RPS6KA5: variants seen among roughly 807,000 people sequenced by gnomAD.
The protein encoded by RPS6KA5 is ribosomal protein S6 kinase A5.
Under a neutral mutation model 85.5 loss-of-function variants are expected in RPS6KA5, and 27 were observed. The observed-to-expected ratio is 0.32, with a 90% CI of 0.23 to 0.44. RPS6KA5 has a LOEUF of 0.44. Ranked by LOEUF, RPS6KA5 falls within the 20% of genes least tolerant of loss-of-function variation. The pLI, the probability that RPS6KA5 is intolerant of heterozygous loss-of-function variation, is 1.00. For missense variants in RPS6KA5, 811 were observed against 980.9 expected, an observed-to-expected ratio of 0.83 and a Z score of 2.31; for synonymous variants, 334 against 348.2, an observed-to-expected ratio of 0.96 and a Z score of 0.46.
chr14:90,994,157 G>A (rs143336447), intron 2 of RPS6KA5, among the ~76,000 whole-genome samples: 1 of 152,184 alleles, frequency 6.6e-6, no homozygotes, highest in Non-Finnish European at 1.5e-5. Flanking sequence ...TTACAGCTGT[G>A]AGCCACCACA....
At chr14:90,907,482 A>C (rs1251903324) in intron 7 of RPS6KA5, among the ~76,000 whole-genome samples, 2 of 152,238 alleles carry the variant, frequency 1.3e-5, no homozygotes, top group African/African-American at 4.8e-5. Flanking sequence ...GCGCATAGCA[A>C]ATGCTCAATC....
At chr14:90,903,213 G>T (rs1317883901) in intron 8 of RPS6KA5, among the ~76,000 whole-genome samples, 2 of 152,092 alleles carry the variant, frequency 1.3e-5, no homozygotes, top group African/African-American at 4.8e-5. Flanking sequence ...CCTCTGGGGG[G>T]CACCAAGACA....
At chr14:90,900,066 A>G (rs1344037734) in intron 11 of RPS6KA5, 42 bp downstream of exon 11, 4 of 1,442,678 alleles carry the variant, frequency 2.8e-6, no homozygotes, top group Non-Finnish European at 3.7e-6. Flanking sequence ...TACAGAATTC[A>G]TGAATACCTA....
chr14:91,038,148 T>C (rs2042472512), intron 1 of RPS6KA5, among the ~76,000 whole-genome samples: 1 of 152,104 alleles, frequency 6.6e-6, no homozygotes, highest in South Asian at 2.1e-4. Context: ...TCCAGAGGAC[T>C]CAGGAAAATT....
chr14:90,975,742 C>T (rs887413176), intron 3 of RPS6KA5, among the ~76,000 whole-genome samples: 6 of 152,212 alleles, frequency 3.9e-5, no homozygotes, highest in African/African-American at 1.4e-4. Flanking sequence ...TGCATTAGGG[C>T]ACTGCAAACA....
Position 90,855,240 on chromosome 14 carries a change from T to C in RPS6KA5, c.*16834A>G, listed in dbSNP as rs1202735515. The C allele has an allele frequency of 6.6e-6, 1 of 152,176 alleles. No homozygotes were observed. The highest frequency in any genetic ancestry group is 2.4e-5 in the African/African-American group (1 of 41,460). 9.4% of individuals were successfully genotyped at this position (152,176 alleles called of 1,614,324 possible). The stretch of plus-strand genomic sequence containing the variant: ...TGGCAAAATCATGAATGGCATTAAT[T>C]TTCTGCTATTTTAAAGGTATTATGT... On this transcript the variant is annotated 3_prime_UTR_variant, in exon 17 of 17. Transcript: ENST00000614987.
In RPS6KA5 at chr14:90,848,297, A is replaced by T. The variant is rs1312116612; in HGVS notation, c.*23777T>A. The T allele has an allele frequency of 3.3e-5, 5 of 152,244 alleles. No individual in the cohort carries two copies. The highest frequency in any genetic ancestry group is 7.3e-5 in the Non-Finnish European group (5 of 68,044). 9.4% of individuals were successfully genotyped at this position (152,244 alleles called of 1,614,324 possible). On this transcript the variant is annotated 3_prime_UTR_variant, in exon 17 of 17. Coordinates refer to ENST00000614987, the MANE Select transcript of RPS6KA5 (RefSeq NM_004755.4). ...TAAAGCACTCAAAGAACATCGAAAT[A>T]ACTTCATATCTATAGCAACGAAGGG...
chr14:90,923,326 A>T, intron 5 of RPS6KA5, 130 bp from the exon 6 acceptor site: 1 of 693,886 alleles, frequency 1.4e-6, no homozygotes, highest in Non-Finnish European at 2.5e-6. Context: ...TACTTGACAG[A>T]CCCACTCTTC....
In RPS6KA5 at chr14:90,906,148, C is replaced by A. The variant is rs2035488712; in HGVS notation, c.957+1G>T. ...ACCATTTATCTATTCAATAATTTCA[C>A]CTGAAAGAAGAGATGTTCTTTGATT... On this transcript the variant is annotated splice_donor_variant, in intron 8 of 16. Coordinates refer to ENST00000614987, the MANE Select transcript of RPS6KA5 (RefSeq NM_004755.4). LOFTEE classifies it high-confidence loss of function. The A allele has an allele frequency of 6.3e-7, 1 of 1,589,504 alleles. No homozygotes were observed. The highest frequency in any genetic ancestry group is 8.6e-7 in the Non-Finnish European group (1 of 1,163,220).
chr14:90,962,696 C>A (rs977198160), intron 3 of RPS6KA5, among the ~76,000 whole-genome samples: 4 of 151,930 alleles, frequency 2.6e-5, no homozygotes, highest in Admixed American at 6.6e-5. Flanking sequence ...TAACGTAGTA[C>A]AAAATTTTGG....
At chr14:90,954,873 C>G (rs963437412) in intron 3 of RPS6KA5, among the ~76,000 whole-genome samples, 2 of 152,174 alleles carry the variant, frequency 1.3e-5, no homozygotes, top group African/African-American at 4.8e-5. Context: ...ACATAAATAA[C>G]AAAACTGTAT....
chr14:91,060,086 T>G (rs1208348949), intron 1 of RPS6KA5: 6 of 985,244 alleles, frequency 6.1e-6, no homozygotes, highest in Admixed American at 6.2e-5. Context: ...GCGGCTGCGC[T>G]GGCCCCGATG....
At chr14:90,990,886 G>T (rs985512241) in intron 2 of RPS6KA5, among the ~76,000 whole-genome samples, 3 of 152,112 alleles carry the variant, frequency 2.0e-5, no homozygotes, top group African/African-American at 7.2e-5. Flanking sequence ...AGGGGAGAGG[G>T]TAGGAGAAGG....
intron 3 of RPS6KA5, among the ~76,000 whole-genome samples, chr14:90,973,865 C>T (rs1180237094): frequency 6.6e-6 from 1 of 151,762 alleles, no homozygotes; most frequent in Non-Finnish European, 1.5e-5. Context: ...CAGTGAAACC[C>T]CGTCTCTACT....
intron 4 of RPS6KA5, among the ~76,000 whole-genome samples, chr14:90,944,085 T>C (rs551326484): frequency 1.3e-5 from 2 of 152,212 alleles, no homozygotes; most frequent in Non-Finnish European, 2.9e-5. Flanking sequence ...CTGTTTTACT[T>C]TGCATTTATA....
intron 9 of RPS6KA5, among the ~76,000 whole-genome samples, chr14:90,902,226 T>A (rs1027513283): frequency 1.9e-4 from 29 of 151,898 alleles, no homozygotes; most frequent in African/African-American, 7.0e-4. Flanking sequence ...GGCTCATGCC[T>A]GTAATGCCAG....
rs1288967693 is a variant in RPS6KA5, at chr14:90,961,668, T to C, written c.395-14118A>G. 2.6e-5 allele frequency among the ~76,000 whole-genome samples: 4 copies of C among 152,330 alleles called. No homozygotes were observed. The East Asian group carries it at 7.7e-4, about 29-fold the overall frequency. ...AGACATTCTATGTCTACTGAGATTT[T>C]TTTTTTAATGGCTACAGTAAACAAT... On this transcript the variant is annotated intron_variant, in intron 3 of 16. Coordinates refer to ENST00000614987, the MANE Select transcript of RPS6KA5 (RefSeq NM_004755.4).
In RPS6KA5 at chr14:90,856,116, GA is replaced by G. The variant is rs1436899762; in HGVS notation, c.*15957del. 6.6e-6 allele frequency: 1 copy of G among 152,250 alleles called. No individual in the cohort carries two copies. The highest frequency in any genetic ancestry group is 1.5e-5 in the Non-Finnish European group (1 of 68,044). The allele number at this position is 152,250 out of a possible 1,614,324, so 9.4% of individuals were successfully genotyped here. ...CTGTCCGAGCACTACCCAATAATGG[GA>G]AAAGTATGATTCCCAAGGAGGTTCC... On this transcript the variant is annotated 3_prime_UTR_variant, in exon 17 of 17. Transcript: ENST00000614987.
In RPS6KA5 at chr14:90,947,480, C is replaced by A. The variant is rs1284709350; in HGVS notation, c.465G>T (p.Gln155His). The change falls in exon 4 of 17, where the codon CAG (glutamine) becomes CAT (histidine). Residue 155 changes from glutamine to histidine, a missense_variant. By Grantham distance (24) the Gln-to-His change is conservative (BLOSUM62 0). This residue lies in a region of RPS6KA5 where 650 missense variants were observed against 793.4 expected (regional missense o/e 0.82). Transcript: ENST00000614987. The stretch of plus-strand genomic sequence containing the variant: ...CAAGCACAATCTCTCCAACATAAAT[C>A]TGCACCTCATGCTCTGTGAAACGCT... Reference protein sequence around the residue: ...QRERFTEHEVQIYVGEIVLAL... With the variant: ...QRERFTEHEVHIYVGEIVLAL... The A allele has an allele frequency of 2.5e-6, 4 of 1,612,720 alleles. No individual in the cohort carries two copies. In the Admixed American group the frequency reaches 5.0e-5, roughly 20 times the overall value.
Sources: gnomAD v4.1 joint callset for allele counts (sites outside exome capture counted in the v4.1 genomes callset) on GRCh38, gnomAD v4.1.1 for gene constraint, gnomAD v4.1.1 regional missense constraint, MANE v1.5 for transcripts, NCBI Gene and HGNC (gene_info 2026-07-23, HGNC 2026-07-21) for gene names.